The following BBX variants were observed in gnomAD, a reference collection of about 807,000 sequenced individuals.
BBX encodes HMG box transcription factor BBX.
In BBX, 30 loss-of-function variants were observed where a neutral mutation model predicts 100.2. The ratio of observed to expected loss-of-function variants is 0.30; its 90% CI spans 0.22 to 0.41. The LOEUF is 0.41. Among genes scored for constraint, BBX ranks in the 10% least tolerant of loss-of-function variants. BBX has a pLI of 1.00. For missense variants in BBX, 1,023 were observed against 1,129.8 expected, an observed-to-expected ratio of 0.91 and a Z score of 1.35; for synonymous variants, 376 against 388.1, an observed-to-expected ratio of 0.97 and a Z score of 0.37.
chr3:107,720,433 T>G (rs1204330155), intron 5 of BBX, among the ~76,000 whole-genome samples: 1 of 151,962 alleles, frequency 6.6e-6, no homozygotes. Context: ...GCCTGGGTTT[T>G]TGTATAAGGA....
At chr3:107,656,621 C>T (rs1344717230) in intron 3 of BBX, among the ~76,000 whole-genome samples, 2 of 152,164 alleles carry the variant, frequency 1.3e-5, no homozygotes, top group East Asian at 3.8e-4. Flanking sequence ...TTTAATCTTT[C>T]TCCTGCTCTG....
intron 1 of BBX, chr3:107,524,164 G>T (rs2047572678): frequency 1.3e-5 from 2 of 152,208 alleles, no homozygotes; most frequent in African/African-American, 4.8e-5. Flanking sequence ...GAGGAGGAAG[G>T]CCTTGGCCGT....
At position 107,805,486 on chromosome 3, in the gene BBX, T is replaced by A; in HGVS notation, c.*29T>A. 6.2e-7 allele frequency: 1 copy of A among 1,614,112 alleles called. No homozygotes were observed. The highest frequency in any genetic ancestry group is 8.5e-7 in the Non-Finnish European group (1 of 1,179,948). On this transcript the variant is annotated 3_prime_UTR_variant, in exon 18 of 18. Coordinates refer to ENST00000325805, the MANE Select transcript of BBX (RefSeq NM_001142568.3). ...GCCCTTTCATTGTAAAACATTGTGC[T>A]TTACCTACTACCCTAGCCTTGTCTT... is the stretch of plus-strand genomic sequence containing the variant.
chr3:107,706,953 C>T (rs575960266), intron 3 of BBX, among the ~76,000 whole-genome samples: 6 of 152,226 alleles, frequency 3.9e-5, no homozygotes, highest in Admixed American at 6.5e-5. Flanking sequence ...CATCATTTCC[C>T]TTCACTGTTT....
chr3:107,643,519 G>C (rs906753680), intron 2 of BBX, among the ~76,000 whole-genome samples: 2 of 152,036 alleles, frequency 1.3e-5, no homozygotes, highest in African/African-American at 2.4e-5. Context: ...AAGGCTCTGT[G>C]GGGGTGATTG....
intron 2 of BBX, among the ~76,000 whole-genome samples, chr3:107,616,513 G>A (rs1194221118): frequency 6.6e-6 from 1 of 152,090 alleles, no homozygotes; most frequent in Non-Finnish European, 1.5e-5. Context: ...GTATATGAAT[G>A]ATCCAGTTTC....
chr3:107,690,774 A>G (rs2060110144), intron 3 of BBX, among the ~76,000 whole-genome samples: 2 of 150,694 alleles, frequency 1.3e-5, no homozygotes, highest in South Asian at 4.3e-4. Context: ...GTAAACGTGT[A>G]TCTTGTGGGT....
chr3:107,727,082 A>T (rs1041622374), intron 5 of BBX, among the ~76,000 whole-genome samples: 19 of 151,502 alleles, frequency 1.3e-4, no homozygotes, highest in African/African-American at 4.6e-4. Context: ...CTTCTTAAAA[A>T]TTTTAAACTA....
At chr3:107,589,604 G>A (rs1273600098) in intron 2 of BBX, among the ~76,000 whole-genome samples, 1 of 152,170 alleles carries the variant, frequency 6.6e-6, no homozygotes, top group Non-Finnish European at 1.5e-5. Flanking sequence ...ACCAAAGGAA[G>A]CATGAAAGCC....
At chr3:107,542,162 G>A (rs1392111410) in intron 2 of BBX, among the ~76,000 whole-genome samples, 1 of 151,988 alleles carries the variant, frequency 6.6e-6, no homozygotes. Flanking sequence ...TATTTGTTAG[G>A]ACTTTATCTT....
At position 107,791,681 on chromosome 3, in the gene BBX, T is replaced by A. The variant is rs373188381; in HGVS notation, c.2353+382T>A. Reference sequence around the variant, plus strand: ...TGGGCAGGCCTGCAGGAGTAACTTCTGACCTGGGTGTTTTCCTAGCCCATT... The same window carrying A: ...TGGGCAGGCCTGCAGGAGTAACTTCAGACCTGGGTGTTTTCCTAGCCCATT... On this transcript the variant is annotated intron_variant, in intron 15 of 17. Transcript: ENST00000325805. 3.4e-4 allele frequency among the ~76,000 whole-genome samples: 52 copies of A among 152,312 alleles called. No homozygotes were observed. The South Asian group carries it at 0.01, about 30-fold the overall frequency.
At chr3:107,565,961 G>T (rs1234573845) in intron 2 of BBX, among the ~76,000 whole-genome samples, 4 of 151,450 alleles carry the variant, frequency 2.6e-5, no homozygotes, top group Non-Finnish European at 5.9e-5. Flanking sequence ...ATCACCTGAG[G>T]TGAGGAGCTC....
intron 2 of BBX, among the ~76,000 whole-genome samples, chr3:107,541,667 C>T (rs1369634226): frequency 4.6e-5 from 7 of 151,920 alleles, no homozygotes; most frequent in African/African-American, 2.4e-5. Flanking sequence ...TTAATCCCCC[C>T]CCCATGAGAC....
At chr3:107,749,038 AACTACTATG>A (rs2064852135) in intron 9 of BBX, among the ~76,000 whole-genome samples, 1 of 151,926 alleles carries the variant, frequency 6.6e-6, no homozygotes, top group South Asian at 2.1e-4. Flanking sequence ...AACTCGTGTC[AACTACTATG>A]ACTTTATACC....
chr3:107,699,851 T>G (rs1163434677), intron 3 of BBX, among the ~76,000 whole-genome samples: 1 of 151,950 alleles, frequency 6.6e-6, no homozygotes, highest in Non-Finnish European at 1.5e-5. Flanking sequence ...TAAAGACATG[T>G]GAGTCATAGT....
At chr3:107,545,887 A>G (rs772059493) in intron 2 of BBX, among the ~76,000 whole-genome samples, 1 of 152,196 alleles carries the variant, frequency 6.6e-6, no homozygotes, top group Non-Finnish European at 1.5e-5. Flanking sequence ...CAGGGTTTCA[A>G]ACAAAGATTT....
rs142492357 is a variant in BBX, at chr3:107,727,555, A to G, written c.406-1210A>G. The stretch of plus-strand genomic sequence containing the variant: ...TACATGTATCCATGTATCAATAGGC[A>G]TATATATCTTACAGGTAAAAAAATG... On this transcript the variant is annotated intron_variant, in intron 5 of 17. Transcript: ENST00000325805. 3.7e-4 allele frequency among the ~76,000 whole-genome samples: 56 copies of G among 152,288 alleles called. No homozygotes were observed. The East Asian group carries it at 9.2e-3, about 25-fold the overall frequency.
At chr3:107,764,742 A>ATATT (rs1268117244) in intron 10 of BBX, among the ~76,000 whole-genome samples, 2 of 152,238 alleles carry the variant, frequency 1.3e-5, no homozygotes, top group East Asian at 3.8e-4. Context: ...CCTGATTAAT[A>ATATT]ACTCACAGTC....
Position 107,716,867 on chromosome 3 carries a change from G to A in BBX, c.405+18G>A, listed in dbSNP as rs770557356. 1.2e-6 allele frequency: 2 copies of A among 1,610,274 alleles called. No homozygotes were observed. Among genetic ancestry groups the A allele is most frequent in the Admixed American group, 3.3e-5 (2 of 59,850 alleles). Reference sequence around the variant, plus strand: ...CCAAGGAGGTAGGTTACAATGACAAGGTATTCTGATAGCTAAAAGCAACCA... The same window carrying A: ...CCAAGGAGGTAGGTTACAATGACAAAGTATTCTGATAGCTAAAAGCAACCA... On this transcript the variant is annotated intron_variant, in intron 5 of 17. Transcript: ENST00000325805.
Sources: allele counts gnomAD v4.1 joint callset (sites outside exome capture counted in the v4.1 genomes callset), GRCh38; gene constraint gnomAD v4.1.1; transcripts MANE v1.5; gene names NCBI Gene and HGNC (gene_info 2026-07-23, HGNC 2026-07-21).